Variants in MYO1H observed in about 807,000 individuals in gnomAD.
MYO1H encodes the protein myosin IH, also known as unconventional myosin-Ih.
In MYO1H, 118 loss-of-function variants were observed where a neutral mutation model predicts 149.3. That is an observed-to-expected ratio of 0.79 (90% confidence interval 0.68 to 0.92). The LOEUF (loss-of-function observed/expected upper bound fraction) is 0.92. Among genes scored for constraint, MYO1H ranks in the 40% least tolerant of loss-of-function variants. MYO1H has a pLI of 0.00. For synonymous variants in MYO1H, 447 were observed against 465.2 expected, an observed-to-expected ratio of 0.96 and a Z score of 0.50; for missense variants, 1,212 against 1,280.7, an observed-to-expected ratio of 0.95 and a Z score of 0.82.
chr12:109,401,305 C>T, intron 6 of MYO1H, 33 bp downstream of exon 6: 1 of 1,579,888 alleles, frequency 6.3e-7, no homozygotes. Context: ...TTTGGTGACT[C>T]TTTGGAGCAG....
At position 109,444,507 on chromosome 12, in the gene MYO1H, A is replaced by G. The variant is rs771589537; in HGVS notation, c.2971A>G (p.Ile991Val). The change falls in exon 30 of 32, where the codon ATT (isoleucine) becomes GTT (valine). Residue 991 changes from isoleucine to valine, a missense_variant. Coordinates refer to ENST00000310903, the Ensembl canonical transcript of MYO1H. ...CGTCATGCTGGTTAAGAAGGAGAACATTGTCAATGTTGTTCAAGGAAGGTA... is the reference window on the plus strand; with the variant it reads ...CGTCATGCTGGTTAAGAAGGAGAACGTTGTCAATGTTGTTCAAGGAAGGTA... The G allele has an allele frequency of 9.9e-6, 16 of 1,613,888 alleles. No individual in the cohort carries two copies. The East Asian group carries it at 3.3e-4, about 34-fold the overall frequency.
intron 22 of MYO1H, among the ~76,000 whole-genome samples, chr12:109,438,086 T>TAAAAAAAAAA (rs58487735): frequency 3.8e-4 from 37 of 96,902 alleles, no homozygotes; most frequent in African/African-American, 1.6e-3. Context: ...AGGCTCTGTC[T>TAAAAAAAAAA]AAAAAAAAAA....
chr12:109,416,351 C>G (rs985723554), intron 15 of MYO1H, among the ~76,000 whole-genome samples: 2 of 151,396 alleles, frequency 1.3e-5, no homozygotes, highest in African/African-American at 4.9e-5. Context: ...TCTACCTTCC[C>G]TCTCTATAGA....
At chr12:109,429,027 G>GGT (rs1365003576) in intron 19 of MYO1H, among the ~76,000 whole-genome samples, 4 of 152,158 alleles carry the variant, frequency 2.6e-5, no homozygotes, top group Non-Finnish European at 4.4e-5. Flanking sequence ...TGACCAACAT[G>GGT]GTGAAATCCT....
At chr12:109,344,745 A>G (rs2048097397), upstream of MYO1H, among the ~76,000 whole-genome samples, 2 of 152,342 alleles carry the variant, frequency 1.3e-5, no homozygotes, top group African/African-American at 4.8e-5. Context: ...CTACAAAGCT[A>G]CAAAGACTGT....
chr12:109,323,106 A>G, the MYO1H span, among the ~76,000 whole-genome samples: 1 of 152,152 alleles, frequency 6.6e-6, no homozygotes, highest in Non-Finnish European at 1.5e-5. Flanking sequence ...GACTGTCTCA[A>G]AAACAAAAAA....
chr12:109,431,157 A>G (rs966960201), intron 19 of MYO1H, among the ~76,000 whole-genome samples: 26 of 152,028 alleles, frequency 1.7e-4, no homozygotes, highest in Admixed American at 5.2e-4. Context: ...AAGTGGGTGG[A>G]TCACGAGGCC....
exon 24 of MYO1H, chr12:109,439,726 G>A (rs1224296592): frequency 6.2e-6 from 10 of 1,613,904 alleles, no homozygotes; most frequent in South Asian, 3.3e-5. Flanking sequence ...TTGAATCTCC[G>A]GTATCACCTT....
intron 22 of MYO1H, among the ~76,000 whole-genome samples, chr12:109,437,449 T>C (rs1157397024): frequency 6.6e-6 from 1 of 152,244 alleles, no homozygotes; most frequent in East Asian, 1.9e-4. Context: ...CATTTGCTGA[T>C]AGCTACATAG....
intron 13 of MYO1H, 86 bp from the exon 14 acceptor site, chr12:109,411,808 T>G: frequency 2.1e-6 from 2 of 956,824 alleles, no homozygotes; most frequent in Non-Finnish European, 1.6e-6. Context: ...AGTCCAGTAC[T>G]TTCTGTTCCA....
chr12:109,441,770 G>A (rs1168840323), intron 26 of MYO1H, 62 bp downstream of exon 26: 6 of 1,228,428 alleles, frequency 4.9e-6, no homozygotes, highest in African/African-American at 3.0e-5. Context: ...TAAAGGGTGG[G>A]GTGCGGTGGC....
upstream of MYO1H, among the ~76,000 whole-genome samples, chr12:109,346,558 C>T (rs774747932): frequency 6.6e-6 from 1 of 152,078 alleles, no homozygotes; most frequent in East Asian, 1.9e-4. Flanking sequence ...GTCAGGAGTT[C>T]GAGACCAGCC....
intron 27 of MYO1H, 76 bp downstream of exon 27, chr12:109,442,348 A>C: frequency 7.7e-7 from 1 of 1,293,018 alleles, no homozygotes; most frequent in Admixed American, 1.7e-5. Context: ...TTTCTCCATA[A>C]AGGGCGCACT....
intron 22 of MYO1H, among the ~76,000 whole-genome samples, chr12:109,438,086 T>TTA (rs796923507): frequency 9.5e-4 from 92 of 96,908 alleles, no homozygotes; most frequent in Middle Eastern, 5.6e-3. Context: ...AGGCTCTGTC[T>TTA]AAAAAAAAAA....
In MYO1H at chr12:109,444,208, T is replaced by C; in HGVS notation, c.2825-5T>C. ...CTTGGCTCCTAACTCTGGATCTGTCTTAAGGTGTCTCCACTAGCAATCTGA... is the reference window on the plus strand; with the variant it reads ...CTTGGCTCCTAACTCTGGATCTGTCCTAAGGTGTCTCCACTAGCAATCTGA... On this transcript the variant is annotated splice_region_variant and splice_polypyrimidine_tract_variant and intron_variant, in intron 28 of 31. Transcript: ENST00000310903. 6.2e-7 allele frequency: 1 copy of C among 1,612,380 alleles called. No homozygotes were observed. The highest frequency in any genetic ancestry group is 2.2e-5 in the East Asian group (1 of 44,876).
At chr12:109,387,023 T>A (rs1869356633) in intron 1 of MYO1H, among the ~76,000 whole-genome samples, 1 of 149,726 alleles carries the variant, frequency 6.7e-6, no homozygotes, top group African/African-American at 2.5e-5. Flanking sequence ...TGTGTGTGTG[T>A]GTGTGTGTGT....
chr12:109,316,204 G>A, the MYO1H span, among the ~76,000 whole-genome samples: 21 of 152,282 alleles, frequency 1.4e-4, no homozygotes, highest in South Asian at 3.5e-3. Context: ...GTCCACAAAA[G>A]GGCCTTTTTA....
chr12:109,319,034 A>G, the MYO1H span, among the ~76,000 whole-genome samples: 1 of 145,472 alleles, frequency 6.9e-6, no homozygotes, highest in Non-Finnish European at 1.5e-5. Flanking sequence ...AAAACCAAAA[A>G]GTGTATTTAA....
rs562037033 is a variant in MYO1H, at chr12:109,378,597, G to A, written c.13-10086G>A. Among the ~76,000 whole-genome samples the A allele has an allele frequency of 2.0e-5, 3 of 152,296 alleles. No individual in the cohort carries two copies. In the East Asian group the frequency reaches 5.8e-4, roughly 29 times the overall value. On this transcript the variant is annotated intron_variant, in intron 1 of 31. Transcript: ENST00000310903. ...GCCTCCCAAAAGGCTGGGATTGCAGGCATGCGCCACTGTGCCCGACCTGCA... is the reference window on the plus strand; with the variant it reads ...GCCTCCCAAAAGGCTGGGATTGCAGACATGCGCCACTGTGCCCGACCTGCA...
Sources: allele counts gnomAD v4.1 joint callset (sites outside exome capture counted in the v4.1 genomes callset), GRCh38; gene constraint gnomAD v4.1.1; transcripts MANE v1.5; gene names NCBI Gene and HGNC (gene_info 2026-07-23, HGNC 2026-07-21).